The following KIF13B variants were observed in gnomAD, a reference collection of about 807,000 sequenced individuals.
The protein encoded by KIF13B is kinesin-like protein KIF13B.
A neutral mutation model predicts 222.0 loss-of-function variants in KIF13B; 127 were observed. The ratio of observed to expected loss-of-function variants is 0.57; its 90% confidence interval spans 0.50 to 0.66. The LOEUF (loss-of-function observed/expected upper bound fraction) is 0.66, where lower values mean the gene tolerates loss of function less well. Among genes scored for constraint, KIF13B ranks in the 30% least tolerant of loss-of-function variants. KIF13B has a pLI of 0.00. For synonymous variants in KIF13B, 976 were observed against 919.0 expected (o/e 1.06, Z -1.12); for missense variants, 2,173 against 2,379.0 (o/e 0.91, Z 1.80).
chr8:29,230,657 G>T (rs1170140294), intron 2 of KIF13B, among the ~76,000 whole-genome samples: 1 of 152,226 alleles, frequency 6.6e-6, no homozygotes, highest in East Asian at 1.9e-4. Context: ...ATGAGCACGT[G>T]AAGCTGGCGT....
chr8:29,172,272 C>T (rs1030530438), intron 10 of KIF13B, among the ~76,000 whole-genome samples: 26 of 151,614 alleles, frequency 1.7e-4, no homozygotes, highest in African/African-American at 6.3e-4. Flanking sequence ...TTAGTAGAGA[C>T]AAGGTTTCAC....
chr8:29,107,143 C>T (rs1018653683), intron 35 of KIF13B, among the ~76,000 whole-genome samples: 2 of 152,162 alleles, frequency 1.3e-5, no homozygotes, highest in African/African-American at 4.8e-5. Context: ...CCTTGTTTTT[C>T]TTTCTTCTCA....
intron 12 of KIF13B, among the ~76,000 whole-genome samples, chr8:29,162,671 C>T (rs936383100): frequency 2.6e-5 from 4 of 152,066 alleles, no homozygotes; most frequent in South Asian, 2.1e-4. Flanking sequence ...TTGTCAAAGC[C>T]GAAAGAGGCA....
intron 37 of KIF13B, among the ~76,000 whole-genome samples, chr8:29,086,574 T>C (rs1808056326): frequency 6.6e-6 from 1 of 152,140 alleles, no homozygotes; most frequent in Non-Finnish European, 1.5e-5. Context: ...AGGTGGGAAA[T>C]GGGAGACAAA....
At chr8:29,074,333 C>A (rs1807454123) in intron 38 of KIF13B, among the ~76,000 whole-genome samples, 1 of 152,236 alleles carries the variant, frequency 6.6e-6, no homozygotes, top group African/African-American at 2.4e-5. Context: ...GGGGGCAGAG[C>A]TGCAGAGTCA....
At chr8:29,263,075 C>T, upstream of KIF13B, 1 of 1,484,220 alleles carries the variant, frequency 6.7e-7, no homozygotes. Context: ...CCGTCTGCCG[C>T]GGCCACCGGC....
chr8:29,170,571 C>G (rs1812193189), intron 10 of KIF13B, among the ~76,000 whole-genome samples: 1 of 151,992 alleles, frequency 6.6e-6, no homozygotes, highest in Admixed American at 6.5e-5. Flanking sequence ...GAAGCATCAC[C>G]CAGGTAAAGG....
chr8:29,105,650 G>GTTTTTTTTTTTTTTTTTT (rs869030059), intron 35 of KIF13B, among the ~76,000 whole-genome samples: 1 of 78,058 alleles, frequency 1.3e-5, no homozygotes, highest in African/African-American at 5.6e-5. Flanking sequence ...AGTTTGTTTG[G>GTTTTTTTTTTTTTTTTTT]TTTTTTTTTT....
intron 10 of KIF13B, among the ~76,000 whole-genome samples, chr8:29,171,467 T>C (rs2130196950): frequency 6.6e-6 from 1 of 152,226 alleles, no homozygotes; most frequent in South Asian, 2.1e-4. Context: ...TTATAGAAGA[T>C]GGGCAATTGT....
chr8:29,193,122 C>T (rs576737844), intron 3 of KIF13B, among the ~76,000 whole-genome samples: 6 of 152,244 alleles, frequency 3.9e-5, no homozygotes, highest in African/African-American at 1.2e-4. Flanking sequence ...CACCTGTTCC[C>T]TGGATGGGGC....
At position 29,124,538 on chromosome 8, in the gene KIF13B, G is replaced by A. The variant is rs182349933; in HGVS notation, c.3253-415C>T. Among the ~76,000 whole-genome samples, 23 of 152,014 alleles carry A rather than the reference G, an allele frequency of 1.5e-4. No homozygotes were observed. The East Asian group carries it at 2.9e-3, about 19-fold the overall frequency. Reference sequence around the variant, plus strand: ...TGAGGCAGGTGAATCACTTGAGGACGGGAGTTTGAGGCCAGCCTGGCTAAC... The same window carrying A: ...TGAGGCAGGTGAATCACTTGAGGACAGGAGTTTGAGGCCAGCCTGGCTAAC... On this transcript the variant is annotated intron_variant, in intron 26 of 39. Transcript: ENST00000524189.
chr8:29,177,601 C>G, intron 8 of KIF13B, 23 bp from the exon 9 acceptor site: 1 of 1,492,984 alleles, frequency 6.7e-7, no homozygotes, highest in South Asian at 1.1e-5. Context: ...TCAATCAATA[C>G]TAATCAACAG....
At chr8:29,207,340 T>C (rs1281246181) in intron 2 of KIF13B, among the ~76,000 whole-genome samples, 1 of 152,238 alleles carries the variant, frequency 6.6e-6, no homozygotes, top group Non-Finnish European at 1.5e-5. Context: ...TGACCTTCTC[T>C]GTCCCCTACC....
At chr8:29,222,354 C>A (rs1814792060) in intron 2 of KIF13B, among the ~76,000 whole-genome samples, 1 of 151,900 alleles carries the variant, frequency 6.6e-6, no homozygotes, top group Non-Finnish European at 1.5e-5. Flanking sequence ...AAGACCCCGT[C>A]TCAAAAAAAC....
intron 1 of KIF13B, among the ~76,000 whole-genome samples, chr8:29,250,996 C>CA (rs1243901374): frequency 6.6e-6 from 1 of 151,950 alleles, no homozygotes; most frequent in East Asian, 1.9e-4. Flanking sequence ...ACAAAAAATA[C>CA]AAAAATTAGC....
chr8:29,107,879 G>C (rs768875682), intron 35 of KIF13B, among the ~76,000 whole-genome samples: 1 of 152,138 alleles, frequency 6.6e-6, no homozygotes, highest in Non-Finnish European at 1.5e-5. Context: ...TTTTCTGACA[G>C]AAATAGGAAG....
intron 36 of KIF13B, among the ~76,000 whole-genome samples, chr8:29,095,536 G>T (rs953386958): frequency 6.6e-6 from 1 of 152,234 alleles, no homozygotes; most frequent in Non-Finnish European, 1.5e-5. Context: ...GGAGGCCGAG[G>T]CGGGTGGATC....
At chr8:29,127,026 A>G (rs1810142595) in intron 25 of KIF13B, 96 bp downstream of exon 25, 12 of 1,069,232 alleles carry the variant, frequency 1.1e-5, no homozygotes, top group South Asian at 1.7e-5. Context: ...ATTCACGGAA[A>G]GAAATGTTCA....
chr8:29,197,359 A>AAAAT (rs750396323), intron 2 of KIF13B, among the ~76,000 whole-genome samples: 2 of 148,192 alleles, frequency 1.3e-5, no homozygotes, highest in Admixed American at 6.8e-5. Context: ...AAAAAAAAAA[A>AAAAT]AACTCAATAT....
Sources: allele counts gnomAD v4.1 joint callset (sites outside exome capture counted in the v4.1 genomes callset), GRCh38; gene constraint gnomAD v4.1.1; transcripts MANE v1.5; gene names NCBI Gene and HGNC (gene_info 2026-07-23, HGNC 2026-07-21).